Variants in ATRNL1 observed in about 807,000 individuals in gnomAD.
ATRNL1 encodes the protein attractin-like protein 1.
ATRNL1 carries 95 observed loss-of-function variants against 182.7 expected under a neutral mutation model. The ratio of observed to expected loss-of-function variants is 0.52; its 90% CI spans 0.44 to 0.62. ATRNL1 has a LOEUF of 0.62. ATRNL1 is among the 20% of genes least tolerant of loss of function. The pLI is 0.00. For missense variants in ATRNL1, 1,471 were observed against 1,679.5 expected, an observed-to-expected ratio of 0.88 and a Z score of 2.17; for synonymous variants, 576 against 568.3, an observed-to-expected ratio of 1.01 and a Z score of -0.19.
intron 28 of ATRNL1, among the ~76,000 whole-genome samples, chr10:115,874,788 T>C (rs1359859980): frequency 1.3e-5 from 2 of 152,174 alleles, no homozygotes; most frequent in African/African-American, 4.8e-5. Context: ...CAGAGTTCTT[T>C]GGAAGTGGGA....
chr10:115,120,330 T>C (rs1844671492), intron 2 of ATRNL1, 62 bp downstream of exon 2: 1 of 881,740 alleles, frequency 1.1e-6, no homozygotes, highest in Non-Finnish European at 1.8e-6. Flanking sequence ...GGTGATCATA[T>C]TAATGTCAGA....
chr10:115,140,514 T>C lies in ATRNL1; in HGVS notation c.829+10979T>C, dbSNP rs541109319. 4.6e-5 allele frequency among the ~76,000 whole-genome samples: 7 copies of C among 152,334 alleles called. No individual in the cohort carries two copies. In the East Asian group the frequency reaches 9.7e-4, roughly 21 times the overall value. On this transcript the variant is annotated intron_variant, in intron 5 of 28. Transcript: ENST00000355044. ...GCTTCAGCATACAATTTTTTCTTAATGTATTACAACAGATTTTTTTTCCTA... is the reference window on the plus strand; with the variant it reads ...GCTTCAGCATACAATTTTTTCTTAACGTATTACAACAGATTTTTTTTCCTA...
At position 115,926,208 on chromosome 10, in the gene ATRNL1, A is replaced by G. The variant is rs147530359; in HGVS notation, c.4019-18450A>G. Among the ~76,000 whole-genome samples the G allele has an allele frequency of 1.0e-3, 157 of 152,326 alleles. 1 individual carries two copies. Among genetic ancestry groups the G allele is most frequent in the African/African-American group, 3.6e-3 (151 of 41,560 alleles). ...AGAAATCAAGAAGTTCTTTGAAACC[A>G]ATGAGAACAAAGAGACATCATACCA... On this transcript the variant is annotated intron_variant, in intron 28 of 28. Transcript: ENST00000355044.
intron 14 of ATRNL1, among the ~76,000 whole-genome samples, chr10:115,284,836 T>C (rs1168170563): frequency 6.6e-6 from 1 of 152,168 alleles, no homozygotes; most frequent in Non-Finnish European, 1.5e-5. Context: ...TAAAATATGC[T>C]ATTAAGTTGT....
At chr10:115,798,079 G>A (rs1317701980) in intron 27 of ATRNL1, among the ~76,000 whole-genome samples, 5 of 151,992 alleles carry the variant, frequency 3.3e-5, no homozygotes, top group African/African-American at 7.2e-5. Flanking sequence ...CACCACGCCC[G>A]GCTAATTTTT....
chr10:115,244,738 A>G (rs1212174881), intron 10 of ATRNL1, among the ~76,000 whole-genome samples: 1 of 152,190 alleles, frequency 6.6e-6, no homozygotes, highest in Non-Finnish European at 1.5e-5. Context: ...CCACTATGGC[A>G]CCTTCTTCAA....
rs1267068366 is a variant in ATRNL1 at position 115,574,017 on chromosome 10, T to G, written c.3795+24481T>G. Among the ~76,000 whole-genome samples the G allele has an allele frequency of 3.9e-5, 6 of 152,268 alleles. No homozygotes were observed. The South Asian group carries it at 1.0e-3, about 26-fold the overall frequency. ...CAGGAAAGAAATGGGTAATCTAAACTTCTGTAAACCACTTAAAGCAGAAAA... is the reference window on the plus strand; with the variant it reads ...CAGGAAAGAAATGGGTAATCTAAACGTCTGTAAACCACTTAAAGCAGAAAA... On this transcript the variant is annotated intron_variant, in intron 26 of 28. Coordinates refer to ENST00000355044, the MANE Select transcript of ATRNL1 (RefSeq NM_207303.4).
At chr10:115,893,508 G>A (rs1952131211) in intron 28 of ATRNL1, among the ~76,000 whole-genome samples, 1 of 152,176 alleles carries the variant, frequency 6.6e-6, no homozygotes, top group Admixed American at 6.5e-5. Context: ...GGCGAATAAA[G>A]TTATATGTAG....
chr10:115,138,778 A>G (rs890444515), intron 5 of ATRNL1, among the ~76,000 whole-genome samples: 2 of 152,212 alleles, frequency 1.3e-5, no homozygotes, highest in South Asian at 4.1e-4. Flanking sequence ...TGTCTTGGTG[A>G]TTAACATTCA....
At chr10:115,285,961 A>C (rs562749206) in intron 14 of ATRNL1, among the ~76,000 whole-genome samples, 1 of 152,174 alleles carries the variant, frequency 6.6e-6, no homozygotes, top group East Asian at 1.9e-4. Flanking sequence ...TTACACAGAA[A>C]ACCTAGCAGT....
chr10:115,438,467 T>C (rs782271860), intron 21 of ATRNL1, among the ~76,000 whole-genome samples: 57 of 152,040 alleles, frequency 3.7e-4, no homozygotes, highest in Non-Finnish European at 6.8e-4. Context: ...TGTCTTTTTA[T>C]GCATATACAT....
At chr10:115,120,129 T>C (rs1844662439) in intron 1 of ATRNL1, 56 bp from the exon 2 acceptor site, 2 of 1,044,218 alleles carry the variant, frequency 1.9e-6, no homozygotes, top group South Asian at 2.8e-5. Context: ...TATCCTGCTA[T>C]ATGTCTTAAA....
chr10:115,591,636 A>G (rs1245697570), intron 26 of ATRNL1, among the ~76,000 whole-genome samples: 1 of 152,202 alleles, frequency 6.6e-6, no homozygotes, highest in Non-Finnish European at 1.5e-5. Flanking sequence ...TTCGTGGAGC[A>G]TTGTCTCCTG....
At chr10:115,837,558 T>A (rs1950707559) in intron 27 of ATRNL1, among the ~76,000 whole-genome samples, 1 of 146,838 alleles carries the variant, frequency 6.8e-6, no homozygotes, top group Non-Finnish European at 1.5e-5. Context: ...TTTCTAAGCA[T>A]ATCCATCCAT....
At chr10:115,844,476 C>G (rs1395092536) in intron 27 of ATRNL1, among the ~76,000 whole-genome samples, 3 of 151,998 alleles carry the variant, frequency 2.0e-5, no homozygotes, top group Non-Finnish European at 4.4e-5. Context: ...AGAACTATAC[C>G]TTGAAAATCT....
intron 24 of ATRNL1, among the ~76,000 whole-genome samples, chr10:115,491,383 G>A (rs1186062374): frequency 4.0e-5 from 6 of 151,868 alleles, no homozygotes; most frequent in Non-Finnish European, 7.4e-5. Context: ...AGGGAGATGG[G>A]GGTTTTATCT....
chr10:115,582,686 T>G (rs1555008103), intron 26 of ATRNL1, among the ~76,000 whole-genome samples: 1 of 149,254 alleles, frequency 6.7e-6, no homozygotes, highest in African/African-American at 2.4e-5. Flanking sequence ...TTTCTCCCAT[T>G]TTGTAGGCTG....
At chr10:115,924,373 T>C (rs1251376979) in intron 28 of ATRNL1, among the ~76,000 whole-genome samples, 2 of 152,228 alleles carry the variant, frequency 1.3e-5, no homozygotes, top group Non-Finnish European at 2.9e-5. Context: ...GTTTTTTTAA[T>C]GGATTGGGGT....
intron 21 of ATRNL1, among the ~76,000 whole-genome samples, chr10:115,457,379 A>T (rs569240841): frequency 6.6e-6 from 1 of 152,122 alleles, no homozygotes; most frequent in African/African-American, 2.4e-5. Flanking sequence ...TGGGTTGGCG[A>T]TAGAAGTTCT....
Sources: gnomAD v4.1 joint callset for allele counts (sites outside exome capture counted in the v4.1 genomes callset) on GRCh38, gnomAD v4.1.1 for gene constraint, MANE v1.5 for transcripts, NCBI Gene and HGNC (gene_info 2026-07-23, HGNC 2026-07-21) for gene names.